The following HNRNPA0 variants were observed in gnomAD, a reference collection of about 807,000 sequenced individuals.
HNRNPA0 encodes hnRNA binding protein.
For missense variants in HNRNPA0, 252 were observed against 433.7 expected, an observed-to-expected ratio of 0.58 and a Z score of 3.72; for synonymous variants, 243 against 195.5, an observed-to-expected ratio of 1.24 and a Z score of -2.03.
chr5:137,752,970 G>A lies in HNRNPA0; in HGVS notation c.*179C>T. 1.7e-6 allele frequency: 1 copy of A among 588,254 alleles called. No individual in the cohort carries two copies. Among genetic ancestry groups the A allele is most frequent in the Non-Finnish European group, 2.9e-6 (1 of 342,122 alleles). The allele number at this position is 588,254 out of a possible 1,614,324, so 36.4% of individuals were successfully genotyped here. ...AGTCCATCTTCAGAGGGAGAGACAA[G>A]AGAGGTGGCAGGCAAATAGAGGAAC... On this transcript the variant is annotated 3_prime_UTR_variant, in exon 1 of 1. Transcript: ENST00000314940.
At position 137,753,081 on chromosome 5, in the gene HNRNPA0, G is replaced by T; in HGVS notation, c.*68C>A. 6.7e-7 allele frequency: 1 copy of T among 1,495,088 alleles called. No individual in the cohort carries two copies. The highest frequency in any genetic ancestry group is 9.1e-7 in the Non-Finnish European group (1 of 1,100,400). 92.6% of individuals were successfully genotyped at this position (1,495,088 alleles called of 1,614,324 possible). A position where few individuals can be genotyped will look rare whatever the true frequency, so the allele number is the denominator to read the frequency against. On this transcript the variant is annotated 3_prime_UTR_variant, in exon 1 of 1. Coordinates refer to ENST00000314940, the MANE Select transcript of HNRNPA0 (RefSeq NM_006805.4). The surrounding 1 kb of genome is among the most constrained non-coding windows in gnomAD (Gnocchi z 6.1). ...GTGTGTGAGGGGGTGGGGCTTAGGA[G>T]TTGACCCCACTTGGGCTGTTGGAAA...
rs1345541950 is a variant in HNRNPA0 at position 137,745,698 on chromosome 5, A to C, written c.*7451T>G. On this transcript the variant is annotated 3_prime_UTR_variant, in exon 1 of 1. Coordinates refer to ENST00000314940, the MANE Select transcript of HNRNPA0 (RefSeq NM_006805.4). ...TATTACAGTGACACAGTAAGTGTAC[A>C]CAGTTGGATCATACAGGAAAAAGAC... The C allele has an allele frequency of 6.6e-6, 1 of 152,226 alleles. No individual in the cohort carries two copies. Among genetic ancestry groups the C allele is most frequent in the African/African-American group, 2.4e-5 (1 of 41,470 alleles). 9.4% of individuals were successfully genotyped at this position (152,226 alleles called of 1,614,324 possible). A position where few individuals can be genotyped will look rare whatever the true frequency, so the allele number is the denominator to read the frequency against.
At position 137,754,005 on chromosome 5, in the gene HNRNPA0, G is replaced by A. The variant is rs2149949288; in HGVS notation, c.62C>T (p.Ser21Leu). 3 of 1,614,050 alleles carry A rather than the reference G, an allele frequency of 1.9e-6. No homozygotes were observed. Among genetic ancestry groups the A allele is most frequent in the East Asian group, 2.2e-5 (1 of 44,856 alleles). The change falls in exon 1 of 1, where the codon TCG (serine) becomes TTG (leucine). Residue 21 changes from serine (S) to leucine (L), a missense_variant. Coordinates refer to ENST00000314940, the MANE Select transcript of HNRNPA0 (RefSeq NM_006805.4). ...GGCCTCAAAGTGGCCGCGCAGGCCC[G>A]ACTCACTCGTCTGCACATTGAGGCC... ...IGGLNVQTSE[S>L]GLRGHFEAFG... is the part of the protein sequence containing the mutation.
At position 137,749,283 on chromosome 5, in the gene HNRNPA0, GA is replaced by G. The variant is rs1409900770; in HGVS notation, c.*3865del. ...AAGAAAGCCTGCCTGAATAGAGAAG[GA>G]AACAGTTAAGAATAACTACCAAAGG... is the stretch of plus-strand genomic sequence containing the variant. On this transcript the variant is annotated 3_prime_UTR_variant, in exon 1 of 1. Transcript: ENST00000314940. 1.3e-5 allele frequency: 2 copies of G among 152,122 alleles called. No homozygotes were observed. The highest frequency in any genetic ancestry group is 4.8e-5 in the African/African-American group (2 of 41,434). 9.4% of individuals were successfully genotyped at this position (152,122 alleles called of 1,614,324 possible).
chr5:137,747,584 CTTCT>C lies in HNRNPA0; in HGVS notation c.*5561_*5564del, dbSNP rs1753428897. The C allele has an allele frequency of 6.6e-6, 1 of 152,190 alleles. No individual in the cohort carries two copies. Among genetic ancestry groups the C allele is most frequent in the African/African-American group, 2.4e-5 (1 of 41,448 alleles). The allele number at this position is 152,190 out of a possible 1,614,324, so 9.4% of individuals were successfully genotyped here. A position where few individuals can be genotyped will look rare whatever the true frequency, so the allele number is the denominator to read the frequency against. On this transcript the variant is annotated 3_prime_UTR_variant, in exon 1 of 1. Transcript: ENST00000314940. ...ATTATGCTTTCACAACTTACCTCAA[CTTCT>C]TTGTCAGTCTATTTCCATTGCTCTT...
In HNRNPA0 at chr5:137,750,074, T is replaced by C. The variant is rs548131231; in HGVS notation, c.*3075A>G. On this transcript the variant is annotated 3_prime_UTR_variant, in exon 1 of 1. Transcript: ENST00000314940. ...CTTGCAGGCTTTTTTTTGGATACAG[T>C]AAATCAGTACCAATGAGAGCTTTTT... 1.3e-5 allele frequency: 2 copies of C among 152,154 alleles called. No individual in the cohort carries two copies. Among genetic ancestry groups the C allele is most frequent in the African/African-American group, 4.8e-5 (2 of 41,436 alleles). 9.4% of individuals were successfully genotyped at this position (152,154 alleles called of 1,614,324 possible). A position where few individuals can be genotyped will look rare whatever the true frequency, so the allele number is the denominator to read the frequency against.
rs1414223794 is a variant in HNRNPA0 at position 137,753,797 on chromosome 5, C to T, written c.270G>A (p.Arg90=). 3 of 1,610,428 alleles carry T rather than the reference C, an allele frequency of 1.9e-6. No homozygotes were observed. The highest frequency in any genetic ancestry group is 2.5e-6 in the Non-Finnish European group (3 of 1,180,008). The change falls in exon 1 of 1, where the codon CGG becomes CGA. Residue 90 remains arginine, a synonymous_variant. Coordinates refer to ENST00000314940, the MANE Select transcript of HNRNPA0 (RefSeq NM_006805.4). This position sits in a 1 kb window ranked among gnomAD's most constrained non-coding sequence, Gnocchi z 6.1. ...KRAVSREDSA[R]PGAHAKVKKL... ...TCTTAACCTTGGCGTGGGCACCGGG[C>T]CGCGCCGAATCCTCCCGGGACACCG...
rs1219267414 is a variant in HNRNPA0 at position 137,750,506 on chromosome 5, T to C, written c.*2643A>G. ...ATACATTCAAGCATGGCACAAAAATTATATTCAACACTAGGTTCTGTACCA... is the reference window on the plus strand; with the variant it reads ...ATACATTCAAGCATGGCACAAAAATCATATTCAACACTAGGTTCTGTACCA... On this transcript the variant is annotated 3_prime_UTR_variant, in exon 1 of 1. Coordinates refer to ENST00000314940, the MANE Select transcript of HNRNPA0 (RefSeq NM_006805.4). The C allele has an allele frequency of 6.6e-6, 1 of 152,160 alleles. No individual in the cohort carries two copies. The highest frequency in any genetic ancestry group is 1.5e-5 in the Non-Finnish European group (1 of 68,000). 9.4% of individuals were successfully genotyped at this position (152,160 alleles called of 1,614,324 possible). A position where few individuals can be genotyped will look rare whatever the true frequency, so the allele number is the denominator to read the frequency against.
In HNRNPA0 at chr5:137,753,066, G is replaced by C; in HGVS notation, c.*83C>G. The stretch of plus-strand genomic sequence containing the variant: ...AACAGGGAAGGCGGTGTGTGTGAGG[G>C]GGTGGGGCTTAGGAGTTGACCCCAC... On this transcript the variant is annotated 3_prime_UTR_variant, in exon 1 of 1. Transcript: ENST00000314940. This position sits in a 1 kb window ranked among gnomAD's most constrained non-coding sequence, Gnocchi z 6.1. 1 of 1,397,964 alleles carries C rather than the reference G, an allele frequency of 7.2e-7. No individual in the cohort carries two copies. The highest frequency in any genetic ancestry group is 9.8e-7 in the Non-Finnish European group (1 of 1,019,516). 86.6% of individuals were successfully genotyped at this position (1,397,964 alleles called of 1,614,324 possible).
rs894224606 is a variant in HNRNPA0 at position 137,747,747 on chromosome 5, T to C, written c.*5402A>G. The C allele has an allele frequency of 2.0e-5, 3 of 152,214 alleles. No homozygotes were observed. Among genetic ancestry groups the C allele is most frequent in the African/African-American group, 4.8e-5 (2 of 41,454 alleles). 9.4% of individuals were successfully genotyped at this position (152,214 alleles called of 1,614,324 possible). On this transcript the variant is annotated 3_prime_UTR_variant, in exon 1 of 1. Coordinates refer to ENST00000314940, the MANE Select transcript of HNRNPA0 (RefSeq NM_006805.4). Reference sequence around the variant, plus strand: ...TCTTTGTGAATTAGTTTCACTACCATTATTGTTGCTCAAAAACCTTTAATG... The same window carrying C: ...TCTTTGTGAATTAGTTTCACTACCACTATTGTTGCTCAAAAACCTTTAATG...
At position 137,748,555 on chromosome 5, in the gene HNRNPA0, C is replaced by A. The variant is rs974377780; in HGVS notation, c.*4594G>T. On this transcript the variant is annotated 3_prime_UTR_variant, in exon 1 of 1. Coordinates refer to ENST00000314940, the MANE Select transcript of HNRNPA0 (RefSeq NM_006805.4). ...GTACCAGAGACTACAGTAAGCCCTT[C>A]TTTATATGCATTCTTTCACTGAATC... is the stretch of plus-strand genomic sequence containing the variant. The A allele has an allele frequency of 6.6e-6, 1 of 152,136 alleles. No individual in the cohort carries two copies. Among genetic ancestry groups the A allele is most frequent in the Non-Finnish European group, 1.5e-5 (1 of 68,016 alleles). The allele number at this position is 152,136 out of a possible 1,614,324, so 9.4% of individuals were successfully genotyped here. A position where few individuals can be genotyped will look rare whatever the true frequency, so the allele number is the denominator to read the frequency against.
rs1753412013 is a variant in HNRNPA0, at chr5:137,746,551, C to G, written c.*6598G>C. ...TCTTCCCATACCTATATTGCTCACTCCCACATTTCCTTCAAGTCTTTGCTC... is the reference window on the plus strand; with the variant it reads ...TCTTCCCATACCTATATTGCTCACTGCCACATTTCCTTCAAGTCTTTGCTC... On this transcript the variant is annotated 3_prime_UTR_variant, in exon 1 of 1. Transcript: ENST00000314940. 6.6e-6 allele frequency: 1 copy of G among 152,220 alleles called. No individual in the cohort carries two copies. The highest frequency in any genetic ancestry group is 2.1e-4 in the South Asian group (1 of 4,834). The allele number at this position is 152,220 out of a possible 1,614,324, so 9.4% of individuals were successfully genotyped here.
rs559966460 is a variant in HNRNPA0, at chr5:137,747,291, G to A, written c.*5858C>T. The A allele has an allele frequency of 2.6e-5, 4 of 152,248 alleles. No individual in the cohort carries two copies. In the South Asian group the frequency reaches 6.2e-4, roughly 24 times the overall value. 9.4% of individuals were successfully genotyped at this position (152,248 alleles called of 1,614,324 possible). ...AAAGAGAGTATGCAGTTCTTTATTT[G>A]TCAGCCTCCCAGGAACACAGAACAA... is the stretch of plus-strand genomic sequence containing the variant. On this transcript the variant is annotated 3_prime_UTR_variant, in exon 1 of 1. Transcript: ENST00000314940.
rs1230477270 is a variant in HNRNPA0, at chr5:137,747,040, G to A, written c.*6109C>T. The A allele has an allele frequency of 1.3e-5, 2 of 152,102 alleles. No individual in the cohort carries two copies. Among genetic ancestry groups the A allele is most frequent in the Non-Finnish European group, 2.9e-5 (2 of 68,018 alleles). The allele number at this position is 152,102 out of a possible 1,614,324, so 9.4% of individuals were successfully genotyped here. A position where few individuals can be genotyped will look rare whatever the true frequency, so the allele number is the denominator to read the frequency against. The stretch of plus-strand genomic sequence containing the variant: ...AAAGGAACTATTTACAAGGGTATGG[G>A]CACAGTTAAGGCAAATCAACAAGGT... On this transcript the variant is annotated 3_prime_UTR_variant, in exon 1 of 1. Coordinates refer to ENST00000314940, the MANE Select transcript of HNRNPA0 (RefSeq NM_006805.4).
Position 137,752,929 on chromosome 5 carries a change from T to C in HNRNPA0, c.*220A>G. On this transcript the variant is annotated 3_prime_UTR_variant, in exon 1 of 1. Coordinates refer to ENST00000314940, the MANE Select transcript of HNRNPA0 (RefSeq NM_006805.4). Reference sequence around the variant, plus strand: ...TCCATCAATGACTGTAACACAAAAATGTGTATGTGGGGCCGAGTCCATCTT... The same window carrying C: ...TCCATCAATGACTGTAACACAAAAACGTGTATGTGGGGCCGAGTCCATCTT... 1 of 489,640 alleles carries C rather than the reference T, an allele frequency of 2.0e-6. No homozygotes were observed. Among genetic ancestry groups the C allele is most frequent in the Non-Finnish European group, 3.6e-6 (1 of 278,742 alleles). 30.3% of individuals were successfully genotyped at this position (489,640 alleles called of 1,614,324 possible). A position where few individuals can be genotyped will look rare whatever the true frequency, so the allele number is the denominator to read the frequency against.
rs900453811 is a variant in HNRNPA0 at position 137,748,655 on chromosome 5, G to C, written c.*4494C>G. 3 of 152,156 alleles carry C rather than the reference G, an allele frequency of 2.0e-5. No individual in the cohort carries two copies. The highest frequency in any genetic ancestry group is 7.2e-5 in the African/African-American group (3 of 41,430). 9.4% of individuals were successfully genotyped at this position (152,156 alleles called of 1,614,324 possible). On this transcript the variant is annotated 3_prime_UTR_variant, in exon 1 of 1. Coordinates refer to ENST00000314940, the MANE Select transcript of HNRNPA0 (RefSeq NM_006805.4). The stretch of plus-strand genomic sequence containing the variant: ...AATAAGGCAAGTGAGGCTCGGGCCA[G>C]TTTGTCCAAGGTCGCAGTGCTAGAA...
rs1753503377 is a variant in HNRNPA0, at chr5:137,751,843, A to G, written c.*1306T>C. On this transcript the variant is annotated 3_prime_UTR_variant, in exon 1 of 1. Coordinates refer to ENST00000314940, the MANE Select transcript of HNRNPA0 (RefSeq NM_006805.4). ...TAGGGCTATTGCCCAAGCTATGCAT[A>G]GCAGTTTACATTTTCAAACCTCATA... 6.6e-6 allele frequency: 1 copy of G among 152,670 alleles called. No individual in the cohort carries two copies. The highest frequency in any genetic ancestry group is 6.5e-5 in the Admixed American group (1 of 15,288). The allele number at this position is 152,670 out of a possible 1,614,324, so 9.5% of individuals were successfully genotyped here. A position where few individuals can be genotyped will look rare whatever the true frequency, so the allele number is the denominator to read the frequency against.
rs1401948390 is a variant in HNRNPA0 at position 137,750,941 on chromosome 5, TCAAG to T, written c.*2204_*2207del. On this transcript the variant is annotated 3_prime_UTR_variant, in exon 1 of 1. Transcript: ENST00000314940. ...GATCTTCCCACCAAAACTGAGTAAG[TCAAG>T]CAGAGTAGTATTTAACAATTACAAC... 2.0e-5 allele frequency: 3 copies of T among 152,064 alleles called. No homozygotes were observed. The highest frequency in any genetic ancestry group is 7.2e-5 in the African/African-American group (3 of 41,422). The allele number at this position is 152,064 out of a possible 1,614,324, so 9.4% of individuals were successfully genotyped here.
rs1477913799 is a variant in HNRNPA0, at chr5:137,753,668, C to T, written c.399G>A (p.Lys133=). ...TVEKAEIIAD[K]QSGKKRGFGF... is the part of the protein sequence containing the mutation. ...CGAATCCACGCTTCTTGCCGGACTG[C>T]TTGTCGGCAATAATCTCGGCCTTTT... is the stretch of plus-strand genomic sequence containing the variant. Residue 133 remains lysine (K), a synonymous_variant, in exon 1 of 1, where the codon AAG becomes AAA. Coordinates refer to ENST00000314940, the MANE Select transcript of HNRNPA0 (RefSeq NM_006805.4). This position sits in a 1 kb window ranked among gnomAD's most constrained non-coding sequence, Gnocchi z 6.1. 2 of 1,613,980 alleles carry T rather than the reference C, an allele frequency of 1.2e-6. No homozygotes were observed. The highest frequency in any genetic ancestry group is 1.3e-5 in the African/African-American group (1 of 74,958).
Sources: allele counts gnomAD v4.1 joint callset, GRCh38; gene constraint gnomAD v4.1.1; non-coding constraint Gnocchi (gnomAD v3.1); transcripts MANE v1.5; gene names NCBI Gene and HGNC (gene_info 2026-07-23, HGNC 2026-07-21).